Variants in ACOXL observed in about 807,000 individuals in gnomAD.
The protein encoded by ACOXL is acyl-CoA oxidase like.
Under a neutral mutation model 71.9 loss-of-function variants are expected in ACOXL, and 70 were observed. The ratio of observed to expected loss-of-function variants is 0.97; its 90% CI spans 0.80 to 1.19. The LOEUF is 1.19. Among genes scored for constraint, ACOXL ranks in the 50% most tolerant of loss-of-function variants. ACOXL has a pLI of 0.00. For synonymous variants in ACOXL, 253 were observed against 281.6 expected, an observed-to-expected ratio of 0.90 and a Z score of 1.02; for missense variants, 703 against 736.3, an observed-to-expected ratio of 0.95 and a Z score of 0.52.
intron 10 of ACOXL, among the ~76,000 whole-genome samples, chr2:110,893,140 A>G (rs2058859554): frequency 6.6e-6 from 1 of 152,260 alleles, no homozygotes; most frequent in South Asian, 2.1e-4. Flanking sequence ...AATTGTTTAT[A>G]TAAAAATTAA....
chr2:110,968,314 G>A, intron 12 of ACOXL: 1 of 1,201,778 alleles, frequency 8.3e-7, no homozygotes, highest in East Asian at 2.3e-5. Context: ...TAAATTTTTT[G>A]GCTCCCTGAA....
At chr2:110,823,606 T>C (rs981229405) in intron 9 of ACOXL, among the ~76,000 whole-genome samples, 1 of 152,230 alleles carries the variant, frequency 6.6e-6, no homozygotes, top group Non-Finnish European at 1.5e-5. Context: ...GTGCTTGCCA[T>C]TCTGGGTCCT....
At chr2:110,806,867 G>A (rs1006212478) in intron 9 of ACOXL, among the ~76,000 whole-genome samples, 3 of 152,116 alleles carry the variant, frequency 2.0e-5, no homozygotes, top group African/African-American at 4.8e-5. Context: ...CCACAGTGGG[G>A]TTGTGTGGGG....
At chr2:110,900,262 TAA>T (rs2059182366) in intron 10 of ACOXL, among the ~76,000 whole-genome samples, 1 of 152,054 alleles carries the variant, frequency 6.6e-6, no homozygotes, top group African/African-American at 2.4e-5. Context: ...TGATGCAGAG[TAA>T]GTTAGTGCTT....
At chr2:110,844,939 T>C (rs756501660) in intron 10 of ACOXL, among the ~76,000 whole-genome samples, 1 of 152,188 alleles carries the variant, frequency 6.6e-6, no homozygotes, top group Middle Eastern at 3.2e-3. Flanking sequence ...AGGTTTCTGG[T>C]TGAGTTCCCT....
intron 12 of ACOXL, chr2:110,967,948 C>A: frequency 1.1e-6 from 1 of 940,450 alleles, no homozygotes; most frequent in Non-Finnish European, 1.7e-6. Context: ...CTTGGAGATA[C>A]AGGATAAAAA....
At chr2:110,882,338 T>G (rs928500698) in intron 10 of ACOXL, among the ~76,000 whole-genome samples, 1 of 152,252 alleles carries the variant, frequency 6.6e-6, no homozygotes, top group African/African-American at 2.4e-5. Context: ...TGGTGAGTTT[T>G]AAGAGTTCTT....
intron 12 of ACOXL, among the ~76,000 whole-genome samples, chr2:110,978,629 G>T (rs1221907137): frequency 6.6e-6 from 1 of 152,152 alleles, no homozygotes; most frequent in African/African-American, 2.4e-5. Context: ...AGTTTTGCTT[G>T]TATTTAATTT....
intron 1 of ACOXL, among the ~76,000 whole-genome samples, chr2:110,741,271 G>A (rs1425574948): frequency 3.3e-5 from 5 of 152,128 alleles, no homozygotes; most frequent in Non-Finnish European, 5.9e-5. Context: ...TCAGAGTTCC[G>A]GAGGCTGAGA....
intron 16 of ACOXL, among the ~76,000 whole-genome samples, chr2:111,082,230 G>A (rs1481336225): frequency 6.6e-6 from 1 of 151,904 alleles, no homozygotes; most frequent in Non-Finnish European, 1.5e-5. Context: ...AGAGTGAACA[G>A]GCAACCTACA....
intron 12 of ACOXL, among the ~76,000 whole-genome samples, chr2:110,964,810 CTA>C (rs1251473494): frequency 6.6e-6 from 1 of 152,176 alleles, no homozygotes; most frequent in Non-Finnish European, 1.5e-5. Flanking sequence ...TTTATCATTT[CTA>C]TGTGTTGGGA....
At chr2:110,738,709 G>T (rs1573268524) in intron 1 of ACOXL, among the ~76,000 whole-genome samples, 3 of 152,176 alleles carry the variant, frequency 2.0e-5, no homozygotes, top group South Asian at 4.1e-4. Flanking sequence ...TGGGCATGCA[G>T]TGGGCCCTTT....
intron 17 of ACOXL, chr2:111,099,884 A>G (rs887338975): frequency 2.6e-5 from 4 of 152,236 alleles, no homozygotes; most frequent in Non-Finnish European, 4.4e-5. Context: ...AACTGACTTC[A>G]TTTTGCTTTT....
intron 14 of ACOXL, among the ~76,000 whole-genome samples, chr2:111,022,052 A>G (rs961721819): frequency 1.3e-5 from 2 of 152,176 alleles, no homozygotes; most frequent in Non-Finnish European, 2.9e-5. Context: ...GACGTAATAC[A>G]GAAAGAAAAA....
At chr2:110,973,810 C>T (rs565403757) in intron 12 of ACOXL, among the ~76,000 whole-genome samples, 14 of 152,282 alleles carry the variant, frequency 9.2e-5, no homozygotes, top group African/African-American at 3.1e-4. Flanking sequence ...CACATCAGAG[C>T]GACTACAGTA....
intron 11 of ACOXL, among the ~76,000 whole-genome samples, chr2:110,917,274 A>G (rs997947076): frequency 6.6e-6 from 1 of 152,240 alleles, no homozygotes; most frequent in African/African-American, 2.4e-5. Flanking sequence ...AACATAATCC[A>G]TCACATAAAC....
chr2:110,964,835 C>G (rs1263511933), intron 12 of ACOXL, among the ~76,000 whole-genome samples: 1 of 152,094 alleles, frequency 6.6e-6, no homozygotes, highest in African/African-American at 2.4e-5. Flanking sequence ...ATTTCAAGTC[C>G]TCTCTTTTGT....
chr2:111,064,462 A>G (rs1011377241), intron 16 of ACOXL, among the ~76,000 whole-genome samples: 1 of 151,692 alleles, frequency 6.6e-6, no homozygotes, highest in African/African-American at 2.4e-5. Flanking sequence ...AAAAACAACA[A>G]CTATATAGTA....
intron 10 of ACOXL, among the ~76,000 whole-genome samples, chr2:110,845,332 G>A (rs1156522639): frequency 6.6e-6 from 1 of 152,192 alleles, no homozygotes; most frequent in Non-Finnish European, 1.5e-5. Flanking sequence ...TCATTCGTGA[G>A]GGAGGAGCCC....
Sources: gnomAD v4.1 joint callset for allele counts (sites outside exome capture counted in the v4.1 genomes callset) on GRCh38, gnomAD v4.1.1 for gene constraint, MANE v1.5 for transcripts, NCBI Gene and HGNC (gene_info 2026-07-23, HGNC 2026-07-21) for gene names.